The following SGSM1 variants were observed in gnomAD, a reference collection of about 807,000 sequenced individuals.
The protein encoded by SGSM1 is small G protein signaling modulator 1.
SGSM1 carries 73 observed loss-of-function variants against 133.8 expected under a neutral mutation model. That is an observed-to-expected ratio of 0.55 (90% CI 0.45 to 0.66). The LOEUF is 0.66. SGSM1 is among the 30% of genes least tolerant of loss of function. The pLI is 0.00. For synonymous variants in SGSM1, 563 were observed against 573.0 expected, an observed-to-expected ratio of 0.98 and a Z score of 0.25; for missense variants, 1,213 against 1,448.1, an observed-to-expected ratio of 0.84 and a Z score of 2.64.
chr22:24,827,612 T>A (rs1375340453), intron 2 of SGSM1, among the ~76,000 whole-genome samples: 1 of 152,070 alleles, frequency 6.6e-6, no homozygotes, highest in Non-Finnish European at 1.5e-5. Context: ...GAGCACCTCC[T>A]GGGTAGTCCG....
At chr22:24,891,258 G>A (rs767416233) in intron 16 of SGSM1, among the ~76,000 whole-genome samples, 2 of 152,196 alleles carry the variant, frequency 1.3e-5, no homozygotes, top group Non-Finnish European at 2.9e-5. Flanking sequence ...TACTCAGGAG[G>A]CTGAGACGGG....
chr22:24,815,255 C>G (rs1927998335), intron 2 of SGSM1, among the ~76,000 whole-genome samples: 1 of 152,096 alleles, frequency 6.6e-6, no homozygotes, highest in Admixed American at 6.6e-5. Context: ...TACCAAAATG[C>G]TGGGGTGTTG....
At chr22:24,808,943 TCTACA>T (rs1181067483) in intron 2 of SGSM1, among the ~76,000 whole-genome samples, 1 of 152,122 alleles carries the variant, frequency 6.6e-6, no homozygotes, top group African/African-American at 2.4e-5. Context: ...CTCATCCAAA[TCTACA>T]CGGTGCCACA....
intron 11 of SGSM1, 36 bp from the exon 12 acceptor site, chr22:24,868,687 G>A (rs1256015980): frequency 1.2e-6 from 2 of 1,612,684 alleles, no homozygotes; most frequent in East Asian, 2.2e-5. Context: ...GGACAGATGT[G>A]TCCCAAGGAC....
chr22:24,919,131 C>T (rs983008886), intron 23 of SGSM1, among the ~76,000 whole-genome samples: 4 of 149,988 alleles, frequency 2.7e-5, no homozygotes, highest in Admixed American at 1.3e-4. Flanking sequence ...TTACTGCAGC[C>T]TCCACTTCCT....
At chr22:24,842,475 A>G (rs1268908403) in intron 2 of SGSM1, among the ~76,000 whole-genome samples, 5 of 152,328 alleles carry the variant, frequency 3.3e-5, no homozygotes, top group Middle Eastern at 3.4e-3. Flanking sequence ...CCTGAGGTCA[A>G]TCATGATTCT....
At chr22:24,845,949 CT>C (rs1220528542) in intron 3 of SGSM1, among the ~76,000 whole-genome samples, 4 of 56,016 alleles carry the variant, frequency 7.1e-5, no homozygotes, top group Non-Finnish European at 1.7e-4. Flanking sequence ...TCTTTTCTTT[CT>C]TTCTTTCTTT....
intron 21 of SGSM1, among the ~76,000 whole-genome samples, chr22:24,905,650 G>A (rs972008062): frequency 2.6e-5 from 4 of 151,796 alleles, no homozygotes; most frequent in African/African-American, 7.3e-5. Context: ...TTAGCCAGGC[G>A]TGGTGGCAGG....
intron 19 of SGSM1, among the ~76,000 whole-genome samples, chr22:24,900,686 G>A (rs1009679258): frequency 6.6e-6 from 1 of 152,056 alleles, no homozygotes; most frequent in Non-Finnish European, 1.5e-5. Context: ...CATGAGCCAC[G>A]GCGCCCCGCC....
chr22:24,820,556 A>C (rs1373551265), intron 2 of SGSM1, among the ~76,000 whole-genome samples: 1 of 152,188 alleles, frequency 6.6e-6, no homozygotes, highest in Non-Finnish European at 1.5e-5. Context: ...ACAGGCTCTT[A>C]TCATTTTTCA....
rs141000603 is a variant in SGSM1 at position 24,889,636 on chromosome 22, G to A, written c.1770+2908G>A. Reference sequence around the variant, plus strand: ...TGTTGGATTATAGGCGTGAGCCACCGGGCCTGGCCTTAAATTGATTTTTTT... The same window carrying A: ...TGTTGGATTATAGGCGTGAGCCACCAGGCCTGGCCTTAAATTGATTTTTTT... On this transcript the variant is annotated intron_variant, in intron 16 of 24. Transcript: ENST00000400358. Among the ~76,000 whole-genome samples the A allele has an allele frequency of 2.0e-3, 296 of 151,140 alleles. 1 individual carries two copies. The highest frequency in any genetic ancestry group is 5.8e-3 in the African/African-American group (237 of 41,174).
intron 1 of SGSM1, 32 bp from the exon 2 acceptor site, chr22:24,806,409 C>G: frequency 6.6e-7 from 1 of 1,521,946 alleles, no homozygotes; most frequent in Non-Finnish European, 8.8e-7. Context: ...CCTCTCTCGG[C>G]TGACCCGCGG....
At chr22:24,845,951 TTCTTTC>T (rs1366069250) in intron 3 of SGSM1, among the ~76,000 whole-genome samples, 1 of 81,066 alleles carries the variant, frequency 1.2e-5, no homozygotes, top group African/African-American at 4.1e-5. Context: ...TTTTCTTTCT[TTCTTTC>T]TTTCTTTCTT....
intron 9 of SGSM1, 131 bp from the exon 10 acceptor site, chr22:24,866,962 T>C (rs915910348): frequency 1.2e-6 from 1 of 811,166 alleles, no homozygotes. Flanking sequence ...CTGGGCAGGC[T>C]GGGACACAGA....
chr22:24,877,131 G>T (rs1932064802), intron 13 of SGSM1, among the ~76,000 whole-genome samples: 1 of 152,170 alleles, frequency 6.6e-6, no homozygotes, highest in Admixed American at 6.5e-5. Context: ...CTGCCCAAAA[G>T]CAGCACATGT....
In SGSM1 at chr22:24,924,331, A is replaced by G. The variant is rs1305141946; in HGVS notation, c.*57A>G. The G allele has an allele frequency of 6.6e-7, 1 of 1,521,508 alleles. No individual in the cohort carries two copies. 94.3% of individuals were successfully genotyped at this position (1,521,508 alleles called of 1,614,324 possible). On this transcript the variant is annotated 3_prime_UTR_variant, in exon 25 of 25. Coordinates refer to ENST00000400358, the MANE Select transcript of SGSM1 (RefSeq NM_001098497.3). ...CTGCCCCTGCCCCGCTCCTCTGCTTACTTTTCCTCCTGGCTGGATGGGCAC... is the reference window on the plus strand; with the variant it reads ...CTGCCCCTGCCCCGCTCCTCTGCTTGCTTTTCCTCCTGGCTGGATGGGCAC...
Position 24,920,021 on chromosome 22 carries a change from AGG to A in SGSM1, c.3193+31_3193+32del, listed in dbSNP as rs750672975. The A allele has an allele frequency of 3.8e-6, 6 of 1,566,896 alleles. No individual in the cohort carries two copies. The African/African-American group carries it at 8.1e-5, about 21-fold the overall frequency. ...ACCCACATGACTGGGGCCTCATGAG[AGG>A]GGTGCAGGCTTCTGGAGGCCCCTTT... On this transcript the variant is annotated intron_variant, in intron 24 of 24. Coordinates refer to ENST00000400358, the MANE Select transcript of SGSM1 (RefSeq NM_001098497.3).
At chr22:24,877,849 C>T (rs189620388) in intron 13 of SGSM1, among the ~76,000 whole-genome samples, 6 of 101,056 alleles carry the variant, frequency 5.9e-5, no homozygotes, top group East Asian at 3.1e-4. Flanking sequence ...CTCTTTCTGT[C>T]GCCCAGGCTG....
chr22:24,867,281 TG>T, intron 10 of SGSM1, 121 bp downstream of exon 10: 1 of 937,968 alleles, frequency 1.1e-6, no homozygotes, highest in Non-Finnish European at 1.7e-6. Context: ...ATGTTACCTG[TG>T]CAACCTTAGG....
Sources: gnomAD v4.1 joint callset for allele counts (sites outside exome capture counted in the v4.1 genomes callset) on GRCh38, gnomAD v4.1.1 for gene constraint, MANE v1.5 for transcripts, NCBI Gene and HGNC (gene_info 2026-07-23, HGNC 2026-07-21) for gene names.